Variants in MYH11 observed in about 807,000 individuals in gnomAD.
The protein encoded by MYH11 is myosin heavy chain 11, also known as myosin-11.
A neutral mutation model predicts 246.6 loss-of-function variants in MYH11; 80 were observed. That is an observed-to-expected ratio of 0.32 (90% CI 0.27 to 0.39). MYH11 has a LOEUF of 0.39. Ranked by LOEUF, MYH11 falls within the 10% of genes least tolerant of loss-of-function variation. MYH11 has a pLI of 1.00. For synonymous variants in MYH11, 1,071 were observed against 1,015.5 expected (o/e 1.05, Z -1.04); for missense variants, 2,158 against 2,546.8 (o/e 0.85, Z 3.29).
chr16:15,788,095 T>TTTTTTTTTTTTTA lies in MYH11; in HGVS notation c.531-1364_531-1363insTAAAAAAAAAAAA, dbSNP rs11273419. ...GGTAGATCTTTTTTTTTTTTTTTTTTACCAAGATGGCTTTCGTGCACTAGC... is the reference window on the plus strand; with the variant it reads ...GGTAGATCTTTTTTTTTTTTTTTTTTTTTTTTTTTTTTAACCAAGATGGCTTTCGTGCACTAGC... On this transcript the variant is annotated intron_variant, in intron 4 of 40. Transcript: ENST00000300036. Among the ~76,000 whole-genome samples, 157 of 99,354 alleles carry TTTTTTTTTTTTTA rather than the reference T, an allele frequency of 1.6e-3. 32 individuals are homozygous for TTTTTTTTTTTTTA. In the East Asian group the frequency reaches 0.029, roughly 18 times the overall value. 65.2% of individuals were successfully genotyped at this position (99,354 alleles called of 152,430 possible).
At chr16:15,789,752 G>A (rs1488387680) in intron 4 of MYH11, among the ~76,000 whole-genome samples, 1 of 152,184 alleles carries the variant, frequency 6.6e-6, no homozygotes, top group Non-Finnish European at 1.5e-5. Context: ...ATTCTAAAGT[G>A]AAGGGGTTGG....
intron 1 of MYH11, among the ~76,000 whole-genome samples, chr16:15,842,214 C>T (rs1313267963): frequency 2.0e-5 from 3 of 152,066 alleles, no homozygotes; most frequent in Non-Finnish European, 4.4e-5. Context: ...TGTGAAACCC[C>T]ATCTCTACTA....
intron 1 of MYH11, among the ~76,000 whole-genome samples, chr16:15,845,359 C>T (rs544228438): frequency 5.3e-5 from 8 of 150,600 alleles, no homozygotes; most frequent in Non-Finnish European, 1.0e-4. Context: ...TACGTGTGGC[C>T]CAAGACAATT....
At chr16:15,767,366 G>A (rs994749773) in intron 9 of MYH11, among the ~76,000 whole-genome samples, 2 of 152,190 alleles carry the variant, frequency 1.3e-5, no homozygotes, top group Admixed American at 1.3e-4. Context: ...TGCTGAGCAA[G>A]GGCCTGGCCT....
rs112740726 is a variant in MYH11, at chr16:15,716,936, T to C, written c.5504+204A>G. On this transcript the variant is annotated intron_variant, in intron 38 of 40. Transcript: ENST00000300036. ...GAGATGCTAAGAGCAGCTCACACTT[T>C]AGGTGCTTGCCCTAGGCCAGGAACC... Among the ~76,000 whole-genome samples the C allele has an allele frequency of 1.6e-3, 245 of 152,342 alleles. 2 individuals carry two copies. The Middle Eastern group carries it at 0.017, about 11-fold the overall frequency.
At chr16:15,814,140 C>CA (rs752834891) in intron 3 of MYH11, among the ~76,000 whole-genome samples, 13 of 104,100 alleles carry the variant, frequency 1.2e-4, no homozygotes, top group Non-Finnish European at 1.9e-4. Flanking sequence ...CTCCATCCCC[C>CA]AAAAAAAAAC....
chr16:15,823,559 G>T, intron 2 of MYH11, 148 bp from the exon 3 acceptor site: 1 of 1,017,040 alleles, frequency 9.8e-7, no homozygotes, highest in Non-Finnish European at 1.5e-6. Context: ...TTCCAGGTAC[G>T]TGGGAAGAGG....
intron 2 of MYH11, among the ~76,000 whole-genome samples, chr16:15,833,400 G>GGAGT: frequency 6.6e-6 from 1 of 151,504 alleles, no homozygotes; most frequent in African/African-American, 2.4e-5. Flanking sequence ...AGGAAGGAAG[G>GGAGT]AAGGAAGGAA....
At chr16:15,728,943 C>T (rs17284809) in intron 27 of MYH11, among the ~76,000 whole-genome samples, 5,248 of 151,936 alleles carry the variant, frequency 0.035, 131 homozygotes, top group Non-Finnish European at 0.056. Flanking sequence ...CGGTGAGGGG[C>T]TTCTTTCCAG....
intron 27 of MYH11, among the ~76,000 whole-genome samples, chr16:15,731,571 A>G (rs1246116540): frequency 6.6e-6 from 1 of 151,688 alleles, no homozygotes; most frequent in Non-Finnish European, 1.5e-5. Context: ...AGCTCACTGC[A>G]ACCTCTTCCT....
chr16:15,842,482 C>G (rs1023411033), intron 1 of MYH11, among the ~76,000 whole-genome samples: 5 of 152,012 alleles, frequency 3.3e-5, no homozygotes, highest in African/African-American at 1.2e-4. Context: ...AAAGTGGCGG[C>G]TAGGTGCGGT....
chr16:15,718,239 G>T (rs12917928), intron 37 of MYH11, 76 bp downstream of exon 37: 1 of 1,599,792 alleles, frequency 6.3e-7, no homozygotes, highest in Non-Finnish European at 8.5e-7. Flanking sequence ...GCCGCCACGC[G>T]TGTGTTGACT....
chr16:15,751,254 G>A lies in MYH11; in HGVS notation c.1865-923C>T, dbSNP rs942301919. On this transcript the variant is annotated intron_variant, in intron 15 of 40. Transcript: ENST00000300036. ...CGGCTCACCACAACGTCCGCCTCCC[G>A]GGTTCCAGCAATTCTCCCGCCTCAG... Among the ~76,000 whole-genome samples the A allele has an allele frequency of 3.0e-4, 45 of 151,660 alleles. 1 individual carries two copies. Among genetic ancestry groups the A allele is most frequent in the Admixed American group, 1.6e-3 (25 of 15,176 alleles).
At chr16:15,740,866 G>A (rs924268885) in intron 22 of MYH11, among the ~76,000 whole-genome samples, 14 of 152,172 alleles carry the variant, frequency 9.2e-5, no homozygotes, top group Non-Finnish European at 1.6e-4. Context: ...AAGGCATTGC[G>A]GCTTCCTTTC....
intron 1 of MYH11, among the ~76,000 whole-genome samples, chr16:15,854,519 C>A (rs762915112): frequency 1.3e-5 from 2 of 152,160 alleles, no homozygotes; most frequent in Non-Finnish European, 2.9e-5. Flanking sequence ...AGTATCTACT[C>A]TAAAGGGTTG....
chr16:15,736,271 T>A (rs2151242312), intron 25 of MYH11, among the ~76,000 whole-genome samples: 1 of 152,140 alleles, frequency 6.6e-6, no homozygotes, highest in Non-Finnish European at 1.5e-5. Context: ...GAAGTTAGGT[T>A]TTTGTTTTGT....
At chr16:15,771,432 CTCCTT>C (rs1209205427) in intron 9 of MYH11, 132 bp downstream of exon 9, 1 of 956,778 alleles carries the variant, frequency 1.0e-6, no homozygotes, top group African/African-American at 1.8e-5. Context: ...ATTCATTTTC[CTCCTT>C]TTTTTTTTTT....
At position 15,823,236 on chromosome 16, in the gene MYH11, C is replaced by A; in HGVS notation, c.502+19G>T. ...GGGGCTCCCTGGAGCTGGCCCCGTG[C>A]AGCCCTGAGTTCACTCACCTTGAAG... On this transcript the variant is annotated intron_variant, in intron 3 of 40. Coordinates refer to ENST00000300036, the MANE Select transcript of MYH11 (RefSeq NM_002474.3). 6.2e-7 allele frequency: 1 copy of A among 1,613,836 alleles called. No homozygotes were observed. The highest frequency in any genetic ancestry group is 8.5e-7 in the Non-Finnish European group (1 of 1,180,008).
chr16:15,771,436 T>A lies in MYH11; in HGVS notation c.1033+133A>T. 3 of 107,564 alleles carry A rather than the reference T, an allele frequency of 2.8e-5. No homozygotes were observed. The South Asian group carries it at 8.2e-4, about 30-fold the overall frequency. 6.7% of individuals were successfully genotyped at this position (107,564 alleles called of 1,614,324 possible). A position where few individuals can be genotyped will look rare whatever the true frequency, so the allele number is the denominator to read the frequency against. ...CCTAGAATAAAATTCATTTTCCTCC[T>A]TTTTTTTTTTTTTTTTTAATGGAAG... is the stretch of plus-strand genomic sequence containing the variant. On this transcript the variant is annotated intron_variant, in intron 9 of 40. Coordinates refer to ENST00000300036, the MANE Select transcript of MYH11 (RefSeq NM_002474.3).
Sources: gnomAD v4.1 joint callset for allele counts (sites outside exome capture counted in the v4.1 genomes callset) on GRCh38, gnomAD v4.1.1 for gene constraint, MANE v1.5 for transcripts, NCBI Gene and HGNC (gene_info 2026-07-23, HGNC 2026-07-21) for gene names.